The following PRIM2 variants were observed in gnomAD, a reference collection of about 807,000 sequenced individuals.
The protein encoded by PRIM2 is DNA primase subunit 2.
In PRIM2, 39 loss-of-function variants were observed where a neutral mutation model predicts 67.3. That is an observed-to-expected ratio of 0.58 (90% CI 0.45 to 0.76). The LOEUF is 0.76. PRIM2 is among the 30% of genes least tolerant of loss of function. PRIM2 has a pLI of 0.00. For missense variants in PRIM2, 398 were observed against 598.7 expected, an observed-to-expected ratio of 0.66 and a Z score of 3.50; for synonymous variants, 143 against 198.7, an observed-to-expected ratio of 0.72 and a Z score of 2.36.
At chr6:57,535,462 T>A (rs1774984888) in intron 9 of PRIM2, among the ~76,000 whole-genome samples, 1 of 152,242 alleles carries the variant, frequency 6.6e-6, no homozygotes, top group African/African-American at 2.4e-5. Context: ...GTAGTGAATA[T>A]AATAATTGTG....
intron 7 of PRIM2, among the ~76,000 whole-genome samples, chr6:57,498,893 A>G (rs1489073787): frequency 4.5e-4 from 68 of 152,318 alleles, no homozygotes; most frequent in African/African-American, 4.1e-4. Context: ...CTCCTTGTGT[A>G]TTCTTGTTCC....
At chr6:57,400,979 A>G (rs1770687624) in intron 7 of PRIM2, among the ~76,000 whole-genome samples, 1 of 152,062 alleles carries the variant, frequency 6.6e-6, no homozygotes, top group African/African-American at 2.4e-5. Context: ...GTTCTTTTTT[A>G]TACTGGCTAT....
chr6:57,379,622 C>T, intron 5 of PRIM2, among the ~76,000 whole-genome samples: 1 of 152,010 alleles, frequency 6.6e-6, no homozygotes, highest in Non-Finnish European at 1.5e-5. Context: ...TCCTTTTTCT[C>T]ATTAAAATAT....
chr6:57,228,667 G>A, the PRIM2 span, among the ~76,000 whole-genome samples: 15 of 152,296 alleles, frequency 9.8e-5, no homozygotes, highest in South Asian at 6.2e-4. Flanking sequence ...TCCAGCCAAC[G>A]TTATTGGGCT....
At chr6:57,446,415 C>CTTATTTTTTTTTTTTT (rs1581912466) in intron 7 of PRIM2, among the ~76,000 whole-genome samples, 7 of 43,314 alleles carry the variant, frequency 1.6e-4, no homozygotes, top group South Asian at 8.6e-4. Flanking sequence ...GCACACGCCA[C>CTTATTTTTTTTTTTTT]TTCTTTTTTT....
chr6:57,236,130 C>G, the PRIM2 span, among the ~76,000 whole-genome samples: 7 of 152,146 alleles, frequency 4.6e-5, no homozygotes, highest in Admixed American at 4.6e-4. Context: ...TAGTATGTCT[C>G]CTACTATAAA....
At chr6:57,476,856 T>C (rs1213406354) in intron 7 of PRIM2, among the ~76,000 whole-genome samples, 1 of 152,188 alleles carries the variant, frequency 6.6e-6, no homozygotes, top group Non-Finnish European at 1.5e-5. Flanking sequence ...CAAGTGATTC[T>C]CCTGCCTCAG....
chr6:57,296,788 A>G, the PRIM2 span, among the ~76,000 whole-genome samples: 133 of 152,290 alleles, frequency 8.7e-4, no homozygotes, highest in Non-Finnish European at 6.8e-4. Context: ...TCTCATTAAA[A>G]AGAACCAGGG....
chr6:57,462,831 G>A (rs1209753690), intron 7 of PRIM2, among the ~76,000 whole-genome samples: 4 of 152,246 alleles, frequency 2.6e-5, no homozygotes, highest in South Asian at 4.2e-4. Flanking sequence ...CCTCTTGAAA[G>A]TAGAGTCTTT....
the PRIM2 span, among the ~76,000 whole-genome samples, chr6:57,237,176 C>A: frequency 2.0e-5 from 3 of 151,836 alleles, no homozygotes; most frequent in Non-Finnish European, 4.4e-5. Context: ...TGATGATGAG[C>A]ATTTTCTCAT....
At chr6:57,426,296 A>T (rs1324009176) in intron 7 of PRIM2, among the ~76,000 whole-genome samples, 2 of 152,158 alleles carry the variant, frequency 1.3e-5, no homozygotes, top group East Asian at 3.8e-4. Flanking sequence ...ATTATAGATT[A>T]GTTTTGCCTA....
At chr6:57,462,796 T>G (rs1409355253) in intron 7 of PRIM2, among the ~76,000 whole-genome samples, 6 of 152,236 alleles carry the variant, frequency 3.9e-5, no homozygotes, top group Non-Finnish European at 4.4e-5. Flanking sequence ...AACTCTGATG[T>G]TAGTTCTTCA....
intron 7 of PRIM2, among the ~76,000 whole-genome samples, chr6:57,442,920 A>T (rs1772245337): frequency 6.6e-6 from 1 of 152,132 alleles, no homozygotes; most frequent in Non-Finnish European, 1.5e-5. Context: ...CCCTTTGATC[A>T]TCATCTCCTT....
intron 12 of PRIM2, among the ~76,000 whole-genome samples, chr6:57,623,675 C>G (rs1427435184): frequency 6.6e-6 from 1 of 152,076 alleles, no homozygotes; most frequent in African/African-American, 2.4e-5. Flanking sequence ...AGAGTACACT[C>G]CCAGAGGCAC....
chr6:57,622,283 T>C, intron 12 of PRIM2, among the ~76,000 whole-genome samples: 1 of 152,360 alleles, frequency 6.6e-6, no homozygotes, highest in Non-Finnish European at 1.5e-5. Context: ...AGTAATTGCT[T>C]ATTTTTACTG....
intron 9 of PRIM2, among the ~76,000 whole-genome samples, chr6:57,535,924 T>G (rs1663066114): frequency 6.6e-6 from 1 of 152,080 alleles, no homozygotes; most frequent in Non-Finnish European, 1.5e-5. Flanking sequence ...GAGGAAACCT[T>G]GCATGTTCAT....
At position 57,422,132 on chromosome 6, in the gene PRIM2, T is replaced by G. The variant is rs562014745; in HGVS notation, c.693+39964T>G. 8.6e-5 allele frequency among the ~76,000 whole-genome samples: 13 copies of G among 151,372 alleles called. No individual in the cohort carries two copies. The South Asian group carries it at 2.5e-3, about 29-fold the overall frequency. On this transcript the variant is annotated intron_variant, in intron 7 of 13. Coordinates refer to ENST00000615550, the MANE Select transcript of PRIM2 (RefSeq NM_000947.5). ...ATTTATGTAGTCAAATAGAAGACAT[T>G]AAATTCAAAAGTATTTCTTTTCTTT...
intron 7 of PRIM2, among the ~76,000 whole-genome samples, chr6:57,431,545 G>C (rs111788147): frequency 0.07 from 10,572 of 151,966 alleles, 524 homozygotes; most frequent in East Asian, 0.2. Context: ...CTACTTGGGG[G>C]GCTCAGGTAA....
the PRIM2 span, among the ~76,000 whole-genome samples, chr6:57,301,639 C>CA: frequency 6.6e-6 from 1 of 152,068 alleles, no homozygotes; most frequent in Non-Finnish European, 1.5e-5. Context: ...CCATCTCTAC[C>CA]AAAAATACAC....
Sources: allele counts gnomAD v4.1 joint callset (sites outside exome capture counted in the v4.1 genomes callset), GRCh38; gene constraint gnomAD v4.1.1; transcripts MANE v1.5; gene names NCBI Gene and HGNC (gene_info 2026-07-23, HGNC 2026-07-21).